Variants in ADAMTSL1 observed in about 807,000 individuals in gnomAD.
The protein encoded by ADAMTSL1 is ADAMTS like 1.
Under a neutral mutation model 201.8 loss-of-function variants are expected in ADAMTSL1, and 126 were observed. That is an observed-to-expected ratio of 0.62 (90% CI 0.54 to 0.72). The LOEUF (loss-of-function observed/expected upper bound fraction) is 0.72. Among genes scored for constraint, ADAMTSL1 ranks in the 30% least tolerant of loss-of-function variants. The pLI is 0.00. For missense variants in ADAMTSL1, 2,679 were observed against 2,277.8 expected (o/e 1.18, Z -3.59); for synonymous variants, 1,121 against 903.4 (o/e 1.24, Z -4.32).
chr9:18,910,389 TG>T lies in ADAMTSL1; in HGVS notation c.*1847del, dbSNP rs1233325642. ...CATTGTCATCCAGAAACAAAACTATTGGGGGGACTTTATTAACTAACTTCCT... is the reference window on the plus strand; with the variant it reads ...CATTGTCATCCAGAAACAAAACTATTGGGGGACTTTATTAACTAACTTCCT... On this transcript the variant is annotated 3_prime_UTR_variant, in exon 29 of 29. Transcript: ENST00000380548. 1 of 151,924 alleles carries T rather than the reference TG, an allele frequency of 6.6e-6. No individual in the cohort carries two copies. The highest frequency in any genetic ancestry group is 2.4e-5 in the African/African-American group (1 of 41,352). The allele number at this position is 151,924 out of a possible 1,614,324, so 9.4% of individuals were successfully genotyped here. A position where few individuals can be genotyped will look rare whatever the true frequency, so the allele number is the denominator to read the frequency against.
intron 14 of ADAMTSL1, among the ~76,000 whole-genome samples, chr9:18,710,191 C>T (rs1832476421): frequency 6.6e-6 from 1 of 152,220 alleles, no homozygotes; most frequent in African/African-American, 2.4e-5. Context: ...CCAGGCAACC[C>T]ATTCCCACCT....
chr9:18,524,876 C>T (rs1179918712), intron 2 of ADAMTSL1, among the ~76,000 whole-genome samples: 2 of 152,178 alleles, frequency 1.3e-5, no homozygotes, highest in East Asian at 3.9e-4. Context: ...AATCGATGTT[C>T]ATCAGGGATA....
At chr9:18,228,314 G>A (rs992363075) in intron 2 of ADAMTSL1, among the ~76,000 whole-genome samples, 15 of 152,154 alleles carry the variant, frequency 9.9e-5, no homozygotes, top group African/African-American at 3.4e-4. Flanking sequence ...CAGAACTCTA[G>A]CACATTGAGG....
At chr9:18,382,601 T>C (rs1837603662) in intron 2 of ADAMTSL1, among the ~76,000 whole-genome samples, 3 of 151,872 alleles carry the variant, frequency 2.0e-5, no homozygotes, top group Admixed American at 2.0e-4. Flanking sequence ...AATATCAGTA[T>C]CTCCAGAGAA....
At chr9:18,308,393 A>G (rs932956745) in intron 2 of ADAMTSL1, among the ~76,000 whole-genome samples, 5 of 152,166 alleles carry the variant, frequency 3.3e-5, no homozygotes, top group Admixed American at 6.5e-5. Flanking sequence ...CAAAAAATCA[A>G]TGAATCCAGG....
intron 1 of ADAMTSL1, among the ~76,000 whole-genome samples, chr9:18,489,325 A>G (rs1459269129): frequency 6.6e-6 from 1 of 152,098 alleles, no homozygotes; most frequent in Non-Finnish European, 1.5e-5. Context: ...GATTCCAGGA[A>G]CTCCTGTAGT....
At chr9:18,715,864 G>C (rs1195157243) in intron 14 of ADAMTSL1, among the ~76,000 whole-genome samples, 1 of 151,764 alleles carries the variant, frequency 6.6e-6, no homozygotes, top group South Asian at 2.1e-4. Flanking sequence ...AACCAAAACA[G>C]CATGGTACTG....
intron 2 of ADAMTSL1, among the ~76,000 whole-genome samples, chr9:18,526,261 C>T (rs1398785539): frequency 6.6e-6 from 1 of 152,188 alleles, no homozygotes; most frequent in East Asian, 1.9e-4. Context: ...ACTAGGATTG[C>T]AACCCCTGCC....
At chr9:17,982,778 G>C (rs1310425644) in intron 1 of ADAMTSL1, among the ~76,000 whole-genome samples, 1 of 152,052 alleles carries the variant, frequency 6.6e-6, no homozygotes, top group Non-Finnish European at 1.5e-5. Flanking sequence ...AGTTTTACAA[G>C]AAGCATTCAA....
intron 5 of ADAMTSL1, among the ~76,000 whole-genome samples, chr9:18,628,671 T>C (rs1826550710): frequency 6.6e-6 from 1 of 152,186 alleles, no homozygotes; most frequent in African/African-American, 2.4e-5. Context: ...GGGGTAGGAA[T>C]TGACATCTTT....
chr9:18,016,261 C>T (rs544053553), intron 1 of ADAMTSL1, among the ~76,000 whole-genome samples: 4 of 152,174 alleles, frequency 2.6e-5, no homozygotes, highest in South Asian at 2.1e-4. Context: ...GAGTACCCAG[C>T]TCCTAGCTGT....
chr9:18,859,238 C>T (rs116062484), intron 23 of ADAMTSL1, among the ~76,000 whole-genome samples: 13 of 152,236 alleles, frequency 8.5e-5, no homozygotes, highest in South Asian at 2.1e-4. Context: ...GGAGGCTCTA[C>T]GGGGAAATAT....
Position 18,397,135 on chromosome 9 carries a change from G to A in ADAMTSL1, c.208-107694G>A, listed in dbSNP as rs114324649. On this transcript the variant is annotated intron_variant, in intron 2 of 29. Coordinates refer to the ADAMTSL1 transcript ENST00000680146. Reference sequence around the variant, plus strand: ...TTAGGTTTGTTTAGATTTCTTATCCGATTTTTGTTTCCCCTTTTTCCCCCA... The same window carrying A: ...TTAGGTTTGTTTAGATTTCTTATCCAATTTTTGTTTCCCCTTTTTCCCCCA... Among the ~76,000 whole-genome samples, 515 of 152,094 alleles carry A rather than the reference G, an allele frequency of 3.4e-3. 3 individuals carry two copies. The highest frequency in any genetic ancestry group is 0.012 in the African/African-American group (490 of 41,504).
intron 2 of ADAMTSL1, among the ~76,000 whole-genome samples, chr9:18,182,737 A>T (rs1828555113): frequency 6.6e-6 from 1 of 152,206 alleles, no homozygotes; most frequent in Non-Finnish European, 1.5e-5. Context: ...AAATAATCTT[A>T]TGAGAAAACT....
At chr9:18,119,329 G>A (rs1207871031) in intron 1 of ADAMTSL1, among the ~76,000 whole-genome samples, 1 of 151,690 alleles carries the variant, frequency 6.6e-6, no homozygotes, top group Non-Finnish European at 1.5e-5. Context: ...GTCTCTCTCT[G>A]CCACCCAGGC....
intron 1 of ADAMTSL1, among the ~76,000 whole-genome samples, chr9:17,936,504 C>A (rs574949111): frequency 6.6e-6 from 1 of 152,130 alleles, no homozygotes. Context: ...GTTTCCCTTC[C>A]GTAAAGGCAG....
intron 15 of ADAMTSL1, among the ~76,000 whole-genome samples, chr9:18,730,934 G>A (rs1818181715): frequency 1.3e-5 from 2 of 152,222 alleles, no homozygotes; most frequent in African/African-American, 4.8e-5. Context: ...AGGGCCCTCT[G>A]CCCGAGTTGC....
Position 18,802,438 on chromosome 9 carries a change from T to C in ADAMTSL1, c.3805+6914T>C, listed in dbSNP as rs1018220925. On this transcript the variant is annotated intron_variant, in intron 20 of 28. Transcript: ENST00000380548. ...TACTTTAAATCTCCATAAATCTACC[T>C]AATCTTGATATTTTATATAATTAGA... Among the ~76,000 whole-genome samples the C allele has an allele frequency of 9.8e-5, 15 of 152,336 alleles. No individual in the cohort carries two copies. In the East Asian group the frequency reaches 2.9e-3, roughly 29 times the overall value.
chr9:18,160,471 C>G (rs951282675), intron 1 of ADAMTSL1, among the ~76,000 whole-genome samples: 4 of 151,954 alleles, frequency 2.6e-5, no homozygotes, highest in Non-Finnish European at 5.9e-5. Flanking sequence ...CTTCTGTTTT[C>G]TCTCTGCAAA....
Sources: allele counts gnomAD v4.1 joint callset (sites outside exome capture counted in the v4.1 genomes callset), GRCh38; gene constraint gnomAD v4.1.1; transcripts MANE v1.5; gene names NCBI Gene and HGNC (gene_info 2026-07-23, HGNC 2026-07-21).